The following PLEKHG7 variants were observed in gnomAD, a reference collection of about 807,000 sequenced individuals.
The protein encoded by PLEKHG7 is pleckstrin homology domain-containing family G member 7.
PLEKHG7 carries 77 observed loss-of-function variants against 85.2 expected under a neutral mutation model. The ratio of observed to expected loss-of-function variants is 0.90; its 90% CI spans 0.75 to 1.09. The LOEUF is 1.09. Among genes scored for constraint, PLEKHG7 ranks in the 50% least tolerant of loss-of-function variants. PLEKHG7 has a pLI of 0.00. For missense variants in PLEKHG7, 777 were observed against 804.3 expected, an observed-to-expected ratio of 0.97 and a Z score of 0.41; for synonymous variants, 301 against 302.4, an observed-to-expected ratio of 1.00 and a Z score of 0.05.
chr12:92,738,374 G>C (rs1322108625), intron 7 of PLEKHG7, among the ~76,000 whole-genome samples: 1 of 152,154 alleles, frequency 6.6e-6, no homozygotes, highest in Non-Finnish European at 1.5e-5. Context: ...CCTGGTGACT[G>C]TCTTACACAG....
At chr12:92,725,010 G>A (rs1465502911) in intron 3 of PLEKHG7, among the ~76,000 whole-genome samples, 1 of 152,006 alleles carries the variant, frequency 6.6e-6, no homozygotes, top group East Asian at 1.9e-4. Flanking sequence ...CAGAGAAAAG[G>A]CAGGTGAAAC....
At chr12:92,723,863 G>A (rs1024810796) in intron 3 of PLEKHG7, among the ~76,000 whole-genome samples, 2 of 152,130 alleles carry the variant, frequency 1.3e-5, no homozygotes, top group East Asian at 1.9e-4. Context: ...TGAGGTCTCC[G>A]GGGAATAGAA....
At chr12:92,744,595 TTGAG>T (rs1366187400) in intron 9 of PLEKHG7, among the ~76,000 whole-genome samples, 3 of 151,804 alleles carry the variant, frequency 2.0e-5, no homozygotes, top group African/African-American at 4.8e-5. Context: ...AAGCATTAGA[TTGAG>T]TAAGATAAAG....
chr12:92,761,648 AAGAAAGAAAG>A (rs927577515), intron 13 of PLEKHG7, 94 bp from the exon 14 acceptor site: 1 of 1,127,828 alleles, frequency 8.9e-7, no homozygotes, highest in Non-Finnish European at 1.2e-6. Context: ...GAAAGAAAGA[AAGAAAGAAAG>A]AAAGAAAGAA....
chr12:92,743,224 C>A (rs1276772892), intron 9 of PLEKHG7, among the ~76,000 whole-genome samples: 1 of 152,144 alleles, frequency 6.6e-6, no homozygotes, highest in Non-Finnish European at 1.5e-5. Flanking sequence ...GAGACCATGG[C>A]AAAGCACTCA....
At position 92,749,880 on chromosome 12, in the gene PLEKHG7, ATT is replaced by A. The variant is rs1164677828; in HGVS notation, c.1252-4205_1252-4204del. On this transcript the variant is annotated intron_variant, in intron 10 of 16. Coordinates refer to ENST00000344636, the MANE Select transcript of PLEKHG7 (RefSeq NM_001377329.1). Reference sequence around the variant, plus strand: ...ATTTTATTTTATTTTATTTTATTTTATTTTTTATTTTATTTTATTTTATTTCA... The same window carrying A: ...ATTTTATTTTATTTTATTTTATTTTATTTTATTTTATTTTATTTTATTTCA... 1.8e-3 allele frequency among the ~76,000 whole-genome samples: 237 copies of A among 132,350 alleles called. 1 individual carries two copies. The highest frequency in any genetic ancestry group is 6.1e-3 in the African/African-American group (221 of 36,186). 86.8% of individuals were successfully genotyped at this position (132,350 alleles called of 152,430 possible). A position where few individuals can be genotyped will look rare whatever the true frequency, so the allele number is the denominator to read the frequency against.
At chr12:92,748,435 A>G (rs1232024524) in intron 10 of PLEKHG7, among the ~76,000 whole-genome samples, 1 of 151,996 alleles carries the variant, frequency 6.6e-6, no homozygotes, top group African/African-American at 2.4e-5. Context: ...TTCGGTAGAG[A>G]CGGGGCTTCA....
chr12:92,727,775 G>T (rs997057916), intron 3 of PLEKHG7, among the ~76,000 whole-genome samples: 2 of 151,636 alleles, frequency 1.3e-5, no homozygotes, highest in Non-Finnish European at 2.9e-5. Context: ...TTTTTTAGTG[G>T]AGACAGGGTT....
intron 1 of PLEKHG7, among the ~76,000 whole-genome samples, chr12:92,705,055 C>T (rs1408298557): frequency 6.6e-6 from 1 of 152,202 alleles, no homozygotes; most frequent in Non-Finnish European, 1.5e-5. Flanking sequence ...TGTTGGACTT[C>T]TATGACTGAC....
intron 11 of PLEKHG7, 70 bp from the exon 12 acceptor site, chr12:92,755,755 A>C (rs1565795957): frequency 6.0e-6 from 6 of 999,610 alleles, no homozygotes; most frequent in Non-Finnish European, 9.4e-6. Context: ...ATTCCTGTGG[A>C]CCTTGGTTAA....
intron 3 of PLEKHG7, among the ~76,000 whole-genome samples, chr12:92,712,233 G>C (rs776591909): frequency 1.3e-5 from 2 of 152,190 alleles, no homozygotes; most frequent in Admixed American, 1.3e-4. Context: ...AGCGATCAAG[G>C]TCTCTCCGAA....
At chr12:92,716,838 C>G (rs973608389) in intron 3 of PLEKHG7, among the ~76,000 whole-genome samples, 3 of 152,162 alleles carry the variant, frequency 2.0e-5, no homozygotes, top group Admixed American at 6.5e-5. Flanking sequence ...TATCTTTGAA[C>G]CTCTAGCATC....
At chr12:92,755,787 T>C (rs1320853546) in intron 11 of PLEKHG7, 38 bp from the exon 12 acceptor site, 9 of 1,349,410 alleles carry the variant, frequency 6.7e-6, no homozygotes, top group South Asian at 6.0e-5. Context: ...CAATGTCATA[T>C]GCACCTAAAA....
In PLEKHG7 at chr12:92,737,393, G is replaced by A; in HGVS notation, c.811G>A (p.Glu271Lys). 1 of 1,527,190 alleles carries A rather than the reference G, an allele frequency of 6.5e-7. No individual in the cohort carries two copies. The highest frequency in any genetic ancestry group is 8.7e-7 in the Non-Finnish European group (1 of 1,146,860). 94.6% of individuals were successfully genotyped at this position (1,527,190 alleles called of 1,614,324 possible). A position where few individuals can be genotyped will look rare whatever the true frequency, so the allele number is the denominator to read the frequency against. ...FYGLKDKTWD[E>K]VLETHHKLPT... ...TCATGTACAGGATAAGACCTGGGAT[G>A]AAGTCTTGGAAACACATCACAAACT... The change falls in exon 7 of 17, where the codon GAA (glutamate) becomes AAA (lysine). Residue 271 changes from glutamate (E) to lysine (K), a missense_variant. Physicochemically the swap from Glu to Lys is moderately conservative, Grantham distance 56 (BLOSUM62 1). This residue lies in a region of PLEKHG7 where 520 missense variants were observed against 544.0 expected (regional missense o/e 0.96). Coordinates refer to ENST00000344636, the MANE Select transcript of PLEKHG7 (RefSeq NM_001377329.1).
At chr12:92,734,418 T>G (rs1489677180) in intron 5 of PLEKHG7, among the ~76,000 whole-genome samples, 1 of 152,214 alleles carries the variant, frequency 6.6e-6, no homozygotes, top group Non-Finnish European at 1.5e-5. Flanking sequence ...TATTCTTGTT[T>G]ATGCATGTCA....
intron 9 of PLEKHG7, among the ~76,000 whole-genome samples, chr12:92,742,904 T>C (rs980853090): frequency 2.0e-5 from 3 of 152,126 alleles, no homozygotes; most frequent in African/African-American, 7.2e-5. Flanking sequence ...CAGCTTCTCA[T>C]CAAAACATGT....
chr12:92,753,421 A>G (rs368818655), intron 10 of PLEKHG7, among the ~76,000 whole-genome samples: 3 of 152,318 alleles, frequency 2.0e-5, no homozygotes, highest in African/African-American at 4.8e-5. Context: ...TGGAACCCCA[A>G]TGGATAACCC....
intron 3 of PLEKHG7, among the ~76,000 whole-genome samples, chr12:92,715,255 C>A (rs958575929): frequency 6.6e-6 from 1 of 152,124 alleles, no homozygotes. Flanking sequence ...CAGATCTTCA[C>A]GTTTTTCTGC....
Position 92,770,370 on chromosome 12 carries a change from G to A in PLEKHG7, c.*175G>A, listed in dbSNP as rs559362007. 7 of 525,750 alleles carry A rather than the reference G, an allele frequency of 1.3e-5. No individual in the cohort carries two copies. Among genetic ancestry groups the A allele is most frequent in the African/African-American group, 1.2e-4 (6 of 49,480 alleles). 32.6% of individuals were successfully genotyped at this position (525,750 alleles called of 1,614,324 possible). ...TCCTCAGTATAGAGGAATAATGACTGCAACAAATTTGAACTCTGAGGAATT... is the reference window on the plus strand; with the variant it reads ...TCCTCAGTATAGAGGAATAATGACTACAACAAATTTGAACTCTGAGGAATT... On this transcript the variant is annotated 3_prime_UTR_variant, in exon 17 of 17. Transcript: ENST00000344636.
Sources: gnomAD v4.1 joint callset for allele counts (sites outside exome capture counted in the v4.1 genomes callset) on GRCh38, gnomAD v4.1.1 for gene constraint, gnomAD v4.1.1 regional missense constraint, MANE v1.5 for transcripts, NCBI Gene and HGNC (gene_info 2026-07-23, HGNC 2026-07-21) for gene names.